AP2B1: variants seen among roughly 807,000 people sequenced by gnomAD.
AP2B1 encodes the protein adaptor related protein complex 2 subunit beta 1, also known as AP-2 complex subunit beta.
Under a neutral mutation model 102.0 loss-of-function variants are expected in AP2B1, and 23 were observed. That is an observed-to-expected ratio of 0.23 (90% CI 0.16 to 0.32). The LOEUF (loss-of-function observed/expected upper bound fraction) is 0.32. AP2B1 is among the 10% of genes least tolerant of loss of function. The probability of loss-of-function intolerance (pLI) is 1.00; values close to 1 mark genes in which losing one functional copy is unlikely to be tolerated. For synonymous variants in AP2B1, 381 were observed against 421.2 expected (o/e 0.90, Z 1.17); for missense variants, 541 against 1,157.4 (o/e 0.47, Z 7.73).
intron 4 of AP2B1, among the ~76,000 whole-genome samples, 174 bp downstream of exon 4, chr17:35,606,014 G>C (rs1598009663): frequency 2.0e-5 from 3 of 152,342 alleles, no homozygotes; most frequent in South Asian, 4.1e-4. Flanking sequence ...TGAGCTTTCT[G>C]TTAGTGGGGC....
chr17:35,722,107 G>T (rs1261758062), intron 21 of AP2B1, among the ~76,000 whole-genome samples: 1 of 152,180 alleles, frequency 6.6e-6, no homozygotes, highest in Non-Finnish European at 1.5e-5. Context: ...AGCTGGGTAT[G>T]GTGGCACGCA....
At chr17:35,687,973 T>C (rs1247537508) in intron 18 of AP2B1, among the ~76,000 whole-genome samples, 1 of 152,256 alleles carries the variant, frequency 6.6e-6, no homozygotes, top group African/African-American at 2.4e-5. Context: ...TTGGTGTTTT[T>C]AACTGTAATT....
intron 21 of AP2B1, among the ~76,000 whole-genome samples, chr17:35,717,620 G>C (rs1555590710): frequency 6.6e-6 from 1 of 152,154 alleles, no homozygotes; most frequent in East Asian, 1.9e-4. Flanking sequence ...AAACTTGGCA[G>C]CTTCATCCTC....
chr17:35,638,714 G>A (rs979602222), intron 10 of AP2B1, among the ~76,000 whole-genome samples: 13 of 151,440 alleles, frequency 8.6e-5, no homozygotes, highest in African/African-American at 2.4e-4. Context: ...GCATGAACCC[G>A]GGAGGCGGAG....
intron 12 of AP2B1, among the ~76,000 whole-genome samples, chr17:35,649,052 A>G (rs1311220870): frequency 6.6e-6 from 1 of 152,136 alleles, no homozygotes; most frequent in Non-Finnish European, 1.5e-5. Flanking sequence ...GATTATTTAG[A>G]TAATAGTACC....
chr17:35,592,402 G>T (rs1341815272), intron 1 of AP2B1, among the ~76,000 whole-genome samples: 1 of 151,902 alleles, frequency 6.6e-6, no homozygotes, highest in Non-Finnish European at 1.5e-5. Context: ...GCTGAGGCTG[G>T]AGTGCAGTGG....
intron 15 of AP2B1, among the ~76,000 whole-genome samples, chr17:35,671,410 T>A (rs1179008130): frequency 6.6e-6 from 1 of 152,214 alleles, no homozygotes; most frequent in East Asian, 1.9e-4. Context: ...TCTCCCTCTT[T>A]CTATAAAAAC....
intron 18 of AP2B1, among the ~76,000 whole-genome samples, chr17:35,686,406 AGAAAC>A (rs1316628551): frequency 6.6e-6 from 1 of 152,224 alleles, no homozygotes; most frequent in African/African-American, 2.4e-5. Flanking sequence ...AGTTGTGCTT[AGAAAC>A]ATTTTCCCAG....
chr17:35,667,327 C>T (rs1220306636), intron 14 of AP2B1, among the ~76,000 whole-genome samples: 1 of 152,212 alleles, frequency 6.6e-6, no homozygotes, highest in Non-Finnish European at 1.5e-5. Flanking sequence ...TGAAATTGTC[C>T]TTTCCCTTTG....
chr17:35,708,273 T>A (rs587626796), intron 18 of AP2B1, among the ~76,000 whole-genome samples: 1 of 152,298 alleles, frequency 6.6e-6, no homozygotes, highest in South Asian at 2.1e-4. Context: ...GATAGGAAAG[T>A]CATTAGTGAC....
chr17:35,626,684 A>G lies in AP2B1; in HGVS notation c.780A>G (p.Val260=). 1 of 1,613,864 alleles carries G rather than the reference A, an allele frequency of 6.2e-7. No homozygotes were observed. Among genetic ancestry groups the G allele is most frequent in the Admixed American group, 1.7e-5 (1 of 59,968 alleles). ...ACTCAGCAGTGGTGCTTTCAGCGGTAAAAGTCCTAATGAAGTTTCTAGAAT... is the reference window on the plus strand; with the variant it reads ...ACTCAGCAGTGGTGCTTTCAGCGGTGAAAGTCCTAATGAAGTTTCTAGAAT... ...HANSAVVLSA[V]KVLMKFLELL... The change falls in exon 7 of 22, where the codon GTA becomes GTG. Residue 260 remains valine (V), a synonymous_variant. Transcript: ENST00000610402.
chr17:35,627,295 G>T, intron 7 of AP2B1, 90 bp from the exon 8 acceptor site: 4 of 597,638 alleles, frequency 6.7e-6, no homozygotes, highest in Non-Finnish European at 1.0e-5. Context: ...GAGGAGAGCA[G>T]AGAGGCACAG....
At chr17:35,593,449 T>TGAA (rs2073165582) in intron 1 of AP2B1, among the ~76,000 whole-genome samples, 1 of 151,596 alleles carries the variant, frequency 6.6e-6, no homozygotes, top group African/African-American at 2.4e-5. Flanking sequence ...AACTAAAAAT[T>TGAA]AAAAAAATTC....
At chr17:35,695,820 A>G (rs756162323) in intron 18 of AP2B1, among the ~76,000 whole-genome samples, 2 of 152,162 alleles carry the variant, frequency 1.3e-5, no homozygotes, top group African/African-American at 2.4e-5. Flanking sequence ...ACACAGCTAC[A>G]TGTACTGGCT....
intron 13 of AP2B1, among the ~76,000 whole-genome samples, chr17:35,654,695 C>T (rs1277227698): frequency 1.3e-5 from 2 of 152,154 alleles, no homozygotes; most frequent in Admixed American, 6.5e-5. Context: ...CATATTTTCT[C>T]AATTGCCATT....
chr17:35,645,581 G>A (rs2074908809), intron 12 of AP2B1, among the ~76,000 whole-genome samples: 2 of 152,190 alleles, frequency 1.3e-5, no homozygotes, highest in Non-Finnish European at 2.9e-5. Context: ...CGGGCATGGT[G>A]GCTTATGCCT....
chr17:35,685,121 T>C (rs2075903809), intron 18 of AP2B1, among the ~76,000 whole-genome samples: 1 of 152,228 alleles, frequency 6.6e-6, no homozygotes, highest in African/African-American at 2.4e-5. Flanking sequence ...AGTTAACTAC[T>C]GATTTTTCAA....
chr17:35,626,028 GA>G (rs1193915317), intron 6 of AP2B1, among the ~76,000 whole-genome samples: 2 of 152,130 alleles, frequency 1.3e-5, no homozygotes, highest in East Asian at 1.9e-4. Context: ...GGGGCTAGGA[GA>G]GGGGGGAGAC....
chr17:35,717,268 G>A lies in AP2B1; in HGVS notation c.2700G>A (p.Met900Ile). The A allele has an allele frequency of 6.2e-7, 1 of 1,614,188 alleles. No individual in the cohort carries two copies. The highest frequency in any genetic ancestry group is 8.5e-7 in the Non-Finnish European group (1 of 1,180,008). The change falls in exon 21 of 22, where the codon ATG (methionine) becomes ATA (isoleucine). Residue 900 changes from methionine to isoleucine, a missense_variant. Around this residue, in one of 10 missense-constraint regions of AP2B1, gnomAD observed 117 missense variants for 206.7 expected, o/e 0.57. Coordinates refer to ENST00000610402, the MANE Select transcript of AP2B1 (RefSeq NM_001030006.2). ...AGAGGAATGTGGAAGGGCAGGACAT[G>A]CTGTACCAATCCCTGAAGCTCACTA... The part of the protein sequence containing the change: ...IAKRNVEGQD[M>I]LYQSLKLTNG...
Sources: gnomAD v4.1 joint callset for allele counts (sites outside exome capture counted in the v4.1 genomes callset) on GRCh38, gnomAD v4.1.1 for gene constraint, gnomAD v4.1.1 regional missense constraint, MANE v1.5 for transcripts, NCBI Gene and HGNC (gene_info 2026-07-23, HGNC 2026-07-21) for gene names.